The following TBCD variants were observed in gnomAD, a reference collection of about 807,000 sequenced individuals.
TBCD encodes tubulin-specific chaperone D.
TBCD carries 105 observed loss-of-function variants against 169.3 expected under a neutral mutation model. That is an observed-to-expected ratio of 0.62 (90% confidence interval 0.53 to 0.73). The LOEUF is 0.73. Among genes scored for constraint, TBCD ranks in the 30% least tolerant of loss-of-function variants. The pLI is 0.00. For missense variants in TBCD, 1,444 were observed against 1,600.1 expected (o/e 0.90, Z 1.66); for synonymous variants, 700 against 643.9 (o/e 1.09, Z -1.32).
intron 4 of TBCD, among the ~76,000 whole-genome samples, 179 bp from the exon 5 acceptor site, chr17:82,768,241 G>A (rs888459033): frequency 3.3e-5 from 5 of 152,066 alleles, no homozygotes; most frequent in South Asian, 2.1e-4. Flanking sequence ...TGGGGATTCC[G>A]GGGGGGATGT....
chr17:82,910,361 C>T (rs1248882454), intron 22 of TBCD, among the ~76,000 whole-genome samples: 1 of 152,194 alleles, frequency 6.6e-6, no homozygotes, highest in East Asian at 1.9e-4. Context: ...TGCTGAGCCT[C>T]TTTCCCTGTG....
In TBCD at chr17:82,925,022, C is replaced by T; in HGVS notation, c.2344C>T (p.Leu782Phe). Reference sequence around the variant, plus strand: ...TGGCTTCTCGTTGGCCTTGGGCGCCCTTCCAGGCTTCCTTCTGAAAGGCCG... The same window carrying T: ...TGGCTTCTCGTTGGCCTTGGGCGCCTTTCCAGGCTTCCTTCTGAAAGGCCG... The part of the protein sequence containing the change: ...RCGFSLALGA[L>F]PGFLLKGRLQ... The change falls in exon 27 of 39, where the codon CTT becomes TTT. Residue 782 changes from leucine to phenylalanine, a missense_variant. Transcript: ENST00000355528. 1 of 1,566,100 alleles carries T rather than the reference C, an allele frequency of 6.4e-7. No individual in the cohort carries two copies. Among genetic ancestry groups the T allele is most frequent in the Non-Finnish European group, 8.7e-7 (1 of 1,154,572 alleles).
At chr17:82,839,321 A>G (rs538872636) in intron 13 of TBCD, among the ~76,000 whole-genome samples, 43 of 152,224 alleles carry the variant, frequency 2.8e-4, no homozygotes, top group African/African-American at 9.9e-4. Flanking sequence ...TATAACCCTA[A>G]ATTCAGCCTA....
chr17:82,792,813 G>A (rs1275864841), intron 7 of TBCD, among the ~76,000 whole-genome samples: 2 of 151,336 alleles, frequency 1.3e-5, no homozygotes. Context: ...TTTTTTTTTG[G>A]CGTCAGTGGC....
rs2060031085 is a variant in TBCD, at chr17:82,903,556, G to C, written c.1804+78G>C. On this transcript the variant is annotated intron_variant, in intron 19 of 38. Coordinates refer to ENST00000355528, the MANE Select transcript of TBCD (RefSeq NM_005993.5). The surrounding 1 kb of genome is among the most constrained non-coding windows in gnomAD (Gnocchi z 4.8). ...GCCTGGGTTGCTGGTTTCAAAGGCT[G>C]GGGGCTGAAAATAAGGTTGTGCTTC... 1.4e-6 allele frequency: 2 copies of C among 1,408,820 alleles called. No individual in the cohort carries two copies. Among genetic ancestry groups the C allele is most frequent in the Admixed American group, 2.1e-5 (1 of 47,894 alleles). The allele number at this position is 1,408,820 out of a possible 1,614,324, so 87.3% of individuals were successfully genotyped here. A position where few individuals can be genotyped will look rare whatever the true frequency, so the allele number is the denominator to read the frequency against.
chr17:82,945,419 G>A lies in TBCD; in HGVS notation c.*2956G>A, dbSNP rs2042402042. The A allele has an allele frequency of 1.3e-5, 2 of 152,340 alleles. No homozygotes were observed. The highest frequency in any genetic ancestry group is 4.1e-4 in the South Asian group (2 of 4,830). 9.4% of individuals were successfully genotyped at this position (152,340 alleles called of 1,614,324 possible). ...CATTTAGACCTGCCACAGTGAAACT[G>A]CAGAACTGTAAGAAGGACAGAGTGA... On this transcript the variant is annotated 3_prime_UTR_variant, in exon 39 of 39. Transcript: ENST00000355528.
intron 15 of TBCD, among the ~76,000 whole-genome samples, chr17:82,886,880 G>A (rs1173784690): frequency 6.6e-6 from 1 of 151,412 alleles, no homozygotes; most frequent in South Asian, 2.1e-4. Flanking sequence ...ATGTTGGCCA[G>A]GATGGTCTCG....
chr17:82,846,687 G>A (rs114824599), intron 13 of TBCD, among the ~76,000 whole-genome samples: 3,355 of 152,296 alleles, frequency 0.022, 143 homozygotes, highest in African/African-American at 0.077. Flanking sequence ...CTCTGCCCCC[G>A]TCACCTCGGA....
intron 13 of TBCD, among the ~76,000 whole-genome samples, chr17:82,853,010 C>T (rs140852556): frequency 2.0e-5 from 3 of 152,238 alleles, no homozygotes; most frequent in African/African-American, 4.8e-5. Context: ...GACGAGAGCT[C>T]GTGATGGAGA....
intron 21 of TBCD, chr17:82,908,357 G>A (rs969987012): frequency 2.2e-5 from 10 of 456,618 alleles, no homozygotes; most frequent in African/African-American, 1.2e-4. Flanking sequence ...TTGTGTGTGC[G>A]TCTGTCGGAT....
At chr17:82,838,252 T>C (rs2054152091) in intron 13 of TBCD, among the ~76,000 whole-genome samples, 1 of 152,124 alleles carries the variant, frequency 6.6e-6, no homozygotes, top group South Asian at 2.1e-4. Flanking sequence ...CAGACAGTTG[T>C]TAGGGTAATA....
intron 4 of TBCD, 129 bp downstream of exon 4, chr17:82,766,497 C>CTCTTTTCTT: frequency 1.8e-6 from 1 of 561,766 alleles, no homozygotes; most frequent in East Asian, 3.2e-5. Context: ...TGTGTCACTC[C>CTCTTTTCTT]TCTTTTCTTT....
At position 82,929,065 on chromosome 17, in the gene TBCD, C is replaced by T. The variant is rs756719202; in HGVS notation, c.2694-48C>T. On this transcript the variant is annotated intron_variant, in intron 30 of 38. Transcript: ENST00000355528. ...GCCTGTGCTCAGTTTACCGCCCGCT[C>T]TTAATTTACCGCCCGCCCTTGGTTT... 6 of 1,585,480 alleles carry T rather than the reference C, an allele frequency of 3.8e-6. No homozygotes were observed. The Admixed American group carries it at 5.0e-5, about 13-fold the overall frequency.
Position 82,904,434 on chromosome 17 carries a change from C to T in TBCD, c.1804+956C>T, listed in dbSNP as rs1179769136. Among the ~76,000 whole-genome samples the T allele has an allele frequency of 5.3e-5, 8 of 152,320 alleles. No homozygotes were observed. The East Asian group carries it at 1.5e-3, about 29-fold the overall frequency. ...GTGAATGCACTTTGGAATTGGGCAG[C>T]GTGTATAGAAAGAAAAGGCCTGAAT... On this transcript the variant is annotated intron_variant, in intron 19 of 38. Coordinates refer to ENST00000355528, the MANE Select transcript of TBCD (RefSeq NM_005993.5).
chr17:82,886,371 C>T (rs1167485142), intron 15 of TBCD: 1 of 146,716 alleles, frequency 6.8e-6, no homozygotes, highest in African/African-American at 2.5e-5. Context: ...AGCAGACCCC[C>T]AAACGTGCTG....
At chr17:82,876,568 T>C (rs184842252) in intron 14 of TBCD, among the ~76,000 whole-genome samples, 70 of 152,356 alleles carry the variant, frequency 4.6e-4, no homozygotes, top group Admixed American at 2.5e-3. Context: ...ATGAGCCAGT[T>C]TTGTTCTGAG....
At chr17:82,787,267 C>T (rs1239676205) in intron 7 of TBCD, among the ~76,000 whole-genome samples, 2 of 152,234 alleles carry the variant, frequency 1.3e-5, no homozygotes, top group Admixed American at 6.5e-5. Context: ...GAGATTTGCC[C>T]TCAGCAAGAG....
intron 18 of TBCD, among the ~76,000 whole-genome samples, chr17:82,901,077 T>C (rs2059858462): frequency 6.6e-6 from 1 of 152,386 alleles, no homozygotes; most frequent in African/African-American, 2.4e-5. Flanking sequence ...CCGCTGACTC[T>C]GCTCCATGTG....
intron 13 of TBCD, among the ~76,000 whole-genome samples, chr17:82,836,710 AAAACC>A (rs1226476909): frequency 2.0e-5 from 3 of 152,024 alleles, no homozygotes; most frequent in African/African-American, 7.3e-5. Context: ...AAAACAAAAC[AAAACC>A]AAAAAACAAA....
Sources: gnomAD v4.1 joint callset for allele counts (sites outside exome capture counted in the v4.1 genomes callset) on GRCh38, gnomAD v4.1.1 for gene constraint, Gnocchi (gnomAD v3.1) non-coding constraint, MANE v1.5 for transcripts, NCBI Gene and HGNC (gene_info 2026-07-23, HGNC 2026-07-21) for gene names.